PLEKHN1: variants seen among roughly 807,000 people sequenced by gnomAD.
The protein encoded by PLEKHN1 is pleckstrin homology domain-containing family N member 1.
Under a neutral mutation model 72.8 loss-of-function variants are expected in PLEKHN1, and 68 were observed. That is an observed-to-expected ratio of 0.93 (90% confidence interval 0.77 to 1.14). PLEKHN1 has a LOEUF of 1.14. Ranked by LOEUF, PLEKHN1 falls within the 50% of genes most tolerant of loss-of-function variation. PLEKHN1 has a pLI of 0.00. For missense variants in PLEKHN1, 1,015 were observed against 840.5 expected (o/e 1.21, Z -2.57); for synonymous variants, 454 against 371.6 (o/e 1.22, Z -2.55).
rs1220693612 is a variant in PLEKHN1 at position 966,495 on chromosome 1, C to T, written c.-37C>T. On this transcript the variant is annotated 5_prime_UTR_variant, in exon 1 of 16. Coordinates refer to ENST00000379410, the MANE Select transcript of PLEKHN1 (RefSeq NM_032129.3). ...GGAGGCGGGGGCAGGAGGCTGTGGA[C>T]AGGGACCCAGACTTGCCGACCTGTA... The T allele has an allele frequency of 3.2e-6, 5 of 1,562,312 alleles. No homozygotes were observed. Among genetic ancestry groups the T allele is most frequent in the Non-Finnish European group, 4.4e-6 (5 of 1,144,874 alleles).
Position 974,555 on chromosome 1 carries a change from G to A in PLEKHN1, c.1816G>A (p.Gly606Arg). 2 of 1,612,020 alleles carry A rather than the reference G, an allele frequency of 1.2e-6. No homozygotes were observed. The highest frequency in any genetic ancestry group is 1.1e-5 in the South Asian group (1 of 90,950). Residue 606 changes from glycine (G) to arginine (R), a missense_variant, in exon 16 of 16, where the codon GGG becomes AGG. By Grantham distance (125) the Gly-to-Arg change is moderately radical. Coordinates refer to ENST00000379410, the MANE Select transcript of PLEKHN1 (RefSeq NM_032129.3). ...GCTTGGAGGGCCTGAGGCCAGTGGG[G>A]GGCTTGTGCAGTGGATCTGATGGCC... ...PQLGGPEASG[G>R]LVQWI
rs1490074095 is a variant in PLEKHN1, at chr1:973,589, A to G, written c.1383A>G (p.Thr461=). 3.7e-6 allele frequency: 6 copies of G among 1,612,692 alleles called. No individual in the cohort carries two copies. The highest frequency in any genetic ancestry group is 1.3e-5 in the African/African-American group (1 of 74,748). The change falls in exon 13 of 16, where the codon ACA becomes ACG. Residue 461 remains threonine (T), a synonymous_variant. Transcript: ENST00000379410. ...CGCCCCTCTATGCCGACCCCTACAC[A>G]CCACCCGCCACCTCCCACCGCAGGG... ...SHSPLYADPY[T]PPATSHRRVT...
rs62639980 is a variant in PLEKHN1 at position 966,542 on chromosome 1, G to C, written c.11G>C (p.Ser4Thr). 7,050 of 1,608,102 alleles carry C rather than the reference G, an allele frequency of 4.4e-3. 31 individuals are homozygous for C. The highest frequency in any genetic ancestry group is 5.0e-3 in the Non-Finnish European group (5,899 of 1,176,438). The stretch of plus-strand genomic sequence containing the variant: ...TGTACGACTCTGGCCATGGGGAACA[G>C]CCACTGTGTCCCTCAGGCCCCCAGG... MGN[S>T]HCVPQAPRRL... The change falls in exon 1 of 16, where the codon AGC (serine) becomes ACC (threonine). Residue 4 changes from serine to threonine, a missense_variant. Transcript: ENST00000379410.
In PLEKHN1 at chr1:970,569, CAGGCCCACGGCTCGGA is replaced by C; in HGVS notation, c.383_398del (p.Ala128AspfsTer10). 5 of 1,613,076 alleles carry C rather than the reference CAGGCCCACGGCTCGGA, an allele frequency of 3.1e-6. No homozygotes were observed. The highest frequency in any genetic ancestry group is 4.2e-6 in the Non-Finnish European group (5 of 1,179,942). ...GCTATTCCCCGCCCACCTGTACTTC[CAGGCCCACGGCTCGGA>C]AGGACTCACATTTCAGGTGAGGCGG... On this transcript the variant is annotated frameshift_variant, in exon 4 of 16. Transcript: ENST00000379410. LOFTEE classifies it high-confidence loss of function. This position sits in a 1 kb window ranked among gnomAD's most constrained non-coding sequence, Gnocchi z 4.2.
At position 973,223 on chromosome 1, in the gene PLEKHN1, G is replaced by C. The variant is rs775569859; in HGVS notation, c.1190G>C (p.Arg397Pro). ...TCTGACCGTGCCAGCATTGGCCGAC[G>C]GAGGACCGAGCTGAGACGCAGTGGC... The part of the protein sequence containing the change: ...ANSDRASIGR[R>P]RTELRRSGSS... The change falls in exon 12 of 16, where the codon CGG becomes CCG. Residue 397 changes from arginine to proline, a missense_variant. Transcript: ENST00000379410. The C allele has an allele frequency of 3.2e-6, 5 of 1,541,296 alleles. No individual in the cohort carries two copies. The highest frequency in any genetic ancestry group is 4.4e-6 in the Non-Finnish European group (5 of 1,139,920).
chr1:972,367 C>T lies in PLEKHN1; in HGVS notation c.945C>T (p.Val315=). The change falls in exon 10 of 16, where the codon GTC becomes GTT. Residue 315 remains valine, a synonymous_variant. Coordinates refer to ENST00000379410, the MANE Select transcript of PLEKHN1 (RefSeq NM_032129.3). ...ACTGGCTGCTGTGCCTTCGCGCTGT[C>T]ACCCACAGGGAGGGGGCCCCGCCGC... ...YGHWLLCLRA[V]THREGAPPLP... is the part of the protein sequence containing the mutation. 6.3e-7 allele frequency: 1 copy of T among 1,596,118 alleles called. No individual in the cohort carries two copies.
chr1:969,962 G>T (rs1360009467), intron 2 of PLEKHN1, among the ~76,000 whole-genome samples: 1 of 152,178 alleles, frequency 6.6e-6, no homozygotes, highest in African/African-American at 2.4e-5. Flanking sequence ...GAGTGTGCAG[G>T]TTCTGTGCCT....
intron 14 of PLEKHN1, 64 bp from the exon 15 acceptor site, chr1:974,252 G>A (rs540488067): frequency 6.2e-7 from 1 of 1,608,500 alleles, no homozygotes; most frequent in Non-Finnish European, 8.5e-7. Context: ...ACAGTGACAG[G>A]CCGCCTCCAA....
Position 972,093 on chromosome 1 carries a change from G to A in PLEKHN1, c.808G>A (p.Ala270Thr). Residue 270 changes from alanine (A) to threonine (T), a missense_variant, in exon 9 of 16, where the codon GCC becomes ACC. Transcript: ENST00000379410. ...LCFKGELPLR[A>T]VHINLEEKEK... ...TCCGCAGGGGGAGCTCCCACTCCGTGCCGTCCACATCAACCTGGAGGAGAA... is the reference window on the plus strand; with the variant it reads ...TCCGCAGGGGGAGCTCCCACTCCGTACCGTCCACATCAACCTGGAGGAGAA... The A allele has an allele frequency of 6.2e-7, 1 of 1,613,042 alleles. No individual in the cohort carries two copies. The highest frequency in any genetic ancestry group is 8.5e-7 in the Non-Finnish European group (1 of 1,179,884).
Position 971,143 on chromosome 1 carries a change from G to A in PLEKHN1, c.643G>A (p.Gly215Arg). The A allele has an allele frequency of 6.2e-7, 1 of 1,601,130 alleles. No individual in the cohort carries two copies. Among genetic ancestry groups the A allele is most frequent in the Non-Finnish European group, 8.5e-7 (1 of 1,174,872 alleles). ...RRLTRLRTAS[G>R]HEPGGSAVCA... is the part of the protein sequence containing the mutation. Reference sequence around the variant, plus strand: ...TCTAACCCGGCTGCGGACGGCGTCAGGGCACGAACCCGGCGGCAGTGCTGT... The same window carrying A: ...TCTAACCCGGCTGCGGACGGCGTCAAGGCACGAACCCGGCGGCAGTGCTGT... Residue 215 changes from glycine (G) to arginine (R), a missense_variant, in exon 7 of 16, where the codon GGG (glycine) becomes AGG (arginine). Physicochemically the swap from Gly to Arg is moderately radical, Grantham distance 125. Coordinates refer to ENST00000379410, the MANE Select transcript of PLEKHN1 (RefSeq NM_032129.3).
At chr1:971,254 T>C in intron 7 of PLEKHN1, 46 bp downstream of exon 7, 1 of 1,556,594 alleles carries the variant, frequency 6.4e-7, no homozygotes, top group Non-Finnish European at 8.7e-7. Flanking sequence ...GAGGGGTGCA[T>C]GGTGGTGGGC....
intron 2 of PLEKHN1, among the ~76,000 whole-genome samples, chr1:967,437 G>A (rs1479247196): frequency 1.3e-5 from 2 of 149,118 alleles, no homozygotes; most frequent in Non-Finnish European, 3.0e-5. Flanking sequence ...GCCCCTTTCA[G>A]ATGTGTCTGG....
At chr1:969,257 C>A (rs1643154754) in intron 2 of PLEKHN1, among the ~76,000 whole-genome samples, 1 of 152,230 alleles carries the variant, frequency 6.6e-6, no homozygotes, top group Admixed American at 6.5e-5. Context: ...TGGGTTTAAT[C>A]CACTGAGTCC....
intron 9 of PLEKHN1, 63 bp from the exon 10 acceptor site, chr1:972,225 T>C (rs1643371822): frequency 6.2e-7 from 1 of 1,600,616 alleles, no homozygotes; most frequent in Non-Finnish European, 8.5e-7. Context: ...GACGCCCGAC[T>C]CTTTAGTGGG....
At chr1:971,569 T>C in intron 8 of PLEKHN1, 165 bp downstream of exon 8, 2 of 671,168 alleles carry the variant, frequency 3.0e-6, no homozygotes, top group Non-Finnish European at 5.2e-6. Flanking sequence ...CGCTGTGACA[T>C]GGAGGAGCCC....
rs920584572 is a variant in PLEKHN1, at chr1:966,698, C to G, written c.84-6C>G. The stretch of plus-strand genomic sequence containing the variant: ...CAAGCCACGAGACCCCTTGCCTTGT[C>G]CCCAGAGAGGACAGCGCGCGGATGT... On this transcript the variant is annotated splice_region_variant and splice_polypyrimidine_tract_variant and intron_variant, in intron 1 of 15. Transcript: ENST00000379410. 2.5e-6 allele frequency: 4 copies of G among 1,579,308 alleles called. No homozygotes were observed. Among genetic ancestry groups the G allele is most frequent in the Non-Finnish European group, 3.4e-6 (4 of 1,162,730 alleles).
chr1:973,599 A>C lies in PLEKHN1; in HGVS notation c.1393A>C (p.Thr465Pro), dbSNP rs761144105. ...LYADPYTPPA[T>P]SHRRVTDVRG... ...TGCCGACCCCTACACACCACCCGCCACCTCCCACCGCAGGGTCACAGATGT... is the reference window on the plus strand; with the variant it reads ...TGCCGACCCCTACACACCACCCGCCCCCTCCCACCGCAGGGTCACAGATGT... Residue 465 changes from threonine (T) to proline (P), a missense_variant, in exon 13 of 16, where the codon ACC becomes CCC. By Grantham distance (38) the Thr-to-Pro change is conservative. Coordinates refer to ENST00000379410, the MANE Select transcript of PLEKHN1 (RefSeq NM_032129.3). The C allele has an allele frequency of 3.1e-6, 5 of 1,612,612 alleles. No homozygotes were observed. The highest frequency in any genetic ancestry group is 4.2e-6 in the Non-Finnish European group (5 of 1,179,866).
chr1:967,582 C>T lies in PLEKHN1; in HGVS notation c.183+779C>T, dbSNP rs1643077083. ...CTAGGAGCATCTGCGGGAGAGGACGCCTGCCCTGCACTCCTGGGTCCAGCA... is the reference window on the plus strand; with the variant it reads ...CTAGGAGCATCTGCGGGAGAGGACGTCTGCCCTGCACTCCTGGGTCCAGCA... On this transcript the variant is annotated intron_variant, in intron 2 of 15. Transcript: ENST00000379410. Among the ~76,000 whole-genome samples the T allele has an allele frequency of 2.0e-5, 3 of 152,138 alleles. 1 individual carries two copies. The highest frequency in any genetic ancestry group is 4.4e-5 in the Non-Finnish European group (3 of 67,996).
chr1:972,389 C>T lies in PLEKHN1; in HGVS notation c.967C>T (p.Pro323Ser). Residue 323 changes from proline to serine, a missense_variant, in exon 10 of 16, where the codon CCG becomes TCG. Physicochemically the swap from Pro to Ser is moderately conservative, Grantham distance 74 (BLOSUM62 -1). Transcript: ENST00000379410. Reference sequence around the variant, plus strand: ...TGTCACCCACAGGGAGGGGGCCCCGCCGCTGCCTGGTGCCGAGAGCTTCCC... The same window carrying T: ...TGTCACCCACAGGGAGGGGGCCCCGTCGCTGCCTGGTGCCGAGAGCTTCCC... ...RAVTHREGAP[P>S]LPGAESFPGS... The T allele has an allele frequency of 6.3e-7, 1 of 1,587,810 alleles. No homozygotes were observed. Among genetic ancestry groups the T allele is most frequent in the Non-Finnish European group, 8.6e-7 (1 of 1,169,188 alleles).
Sources: gnomAD v4.1 joint callset for allele counts (sites outside exome capture counted in the v4.1 genomes callset) on GRCh38, gnomAD v4.1.1 for gene constraint, Gnocchi (gnomAD v3.1) non-coding constraint, MANE v1.5 for transcripts, NCBI Gene and HGNC (gene_info 2026-07-23, HGNC 2026-07-21) for gene names.